PLCB1: variants seen among roughly 807,000 people sequenced by gnomAD.
PLCB1 encodes the protein phospholipase C beta 1.
A neutral mutation model predicts 161.8 loss-of-function variants in PLCB1; 46 were observed. The ratio of observed to expected loss-of-function variants is 0.28; its 90% confidence interval spans 0.22 to 0.36. The LOEUF (loss-of-function observed/expected upper bound fraction) is 0.36. Among genes scored for constraint, PLCB1 ranks in the 10% least tolerant of loss-of-function variants. The pLI, the probability that PLCB1 is intolerant of heterozygous loss-of-function variation, is 1.00. For synonymous variants in PLCB1, 517 were observed against 503.7 expected, an observed-to-expected ratio of 1.03 and a Z score of -0.35; for missense variants, 1,016 against 1,472.5, an observed-to-expected ratio of 0.69 and a Z score of 5.07.
At chr20:8,489,122 TG>T (rs368408494) in intron 3 of PLCB1, among the ~76,000 whole-genome samples, 211 of 152,298 alleles carry the variant, frequency 1.4e-3, no homozygotes, top group African/African-American at 5.0e-3. Context: ...TGCTAGGAGC[TG>T]GGAACCCAGA....
chr20:8,717,906 C>T, intron 14 of PLCB1, 58 bp downstream of exon 14: 1 of 1,512,686 alleles, frequency 6.6e-7, no homozygotes, highest in Non-Finnish European at 8.9e-7. Context: ...AATTGCTGCT[C>T]TGGGCTGTGC....
chr20:8,578,720 A>G (rs571827687), intron 3 of PLCB1, among the ~76,000 whole-genome samples: 3 of 152,338 alleles, frequency 2.0e-5, no homozygotes, highest in East Asian at 3.9e-4. Flanking sequence ...ATTCGGGGTC[A>G]TTACAAAAGA....
At chr20:8,786,312 C>G (rs1180394876) in intron 27 of PLCB1, among the ~76,000 whole-genome samples, 1 of 152,164 alleles carries the variant, frequency 6.6e-6, no homozygotes, top group Non-Finnish European at 1.5e-5. Context: ...TGATAAATGG[C>G]ATGACTACAA....
chr20:8,629,988 TTCTTTCTTTCTTTC>T (rs1428909676), intron 4 of PLCB1, among the ~76,000 whole-genome samples: 1 of 124,248 alleles, frequency 8.0e-6, no homozygotes, highest in Non-Finnish European at 1.7e-5. Context: ...CTTTCTTTCT[TTCTTTCTTTCTTTC>T]TTTCTTTCTC....
At chr20:8,211,679 C>T (rs1306839340) in intron 2 of PLCB1, among the ~76,000 whole-genome samples, 1 of 151,952 alleles carries the variant, frequency 6.6e-6, no homozygotes, top group African/African-American at 2.4e-5. Flanking sequence ...TGCCGAGATT[C>T]CTTAAATTTT....
chr20:8,225,158 C>A (rs969202434), intron 2 of PLCB1, among the ~76,000 whole-genome samples: 4 of 152,162 alleles, frequency 2.6e-5, no homozygotes, highest in African/African-American at 9.7e-5. Context: ...AGTATCTCAG[C>A]AAGAAAAGGA....
intron 2 of PLCB1, among the ~76,000 whole-genome samples, chr20:8,316,418 G>A (rs1276373037): frequency 6.6e-6 from 1 of 152,098 alleles, no homozygotes; most frequent in Non-Finnish European, 1.5e-5. Context: ...GATCTTGCCT[G>A]TAATGACTCC....
chr20:8,703,900 A>G (rs1223231282), intron 11 of PLCB1, among the ~76,000 whole-genome samples: 1 of 152,134 alleles, frequency 6.6e-6, no homozygotes, highest in Non-Finnish European at 1.5e-5. Flanking sequence ...CTAAATACCC[A>G]CTTCCTAAAT....
chr20:8,134,845 C>T (rs1304392336), intron 1 of PLCB1, among the ~76,000 whole-genome samples: 3 of 150,968 alleles, frequency 2.0e-5, no homozygotes, highest in Admixed American at 1.3e-4. Flanking sequence ...AAGGAGAAGA[C>T]CAGAAGAATT....
chr20:8,662,692 A>T lies in PLCB1; in HGVS notation c.862+3988A>T, dbSNP rs1009987684. Among the ~76,000 whole-genome samples, 9 of 151,212 alleles carry T rather than the reference A, an allele frequency of 6.0e-5. No individual in the cohort carries two copies. The East Asian group carries it at 1.7e-3, about 29-fold the overall frequency. ...CACCTGAGCCGTTGTTAAAATGCAG[A>T]TTCGAGATCCTGCATTTCTAACAAG... On this transcript the variant is annotated intron_variant, in intron 9 of 31. Transcript: ENST00000338037.
chr20:8,150,408 T>C, intron 2 of PLCB1, 37 bp downstream of exon 2: 3 of 927,362 alleles, frequency 3.2e-6, no homozygotes, highest in Non-Finnish European at 5.1e-6. Flanking sequence ...CATTTTTCAG[T>C]CGTTTACTAC....
At chr20:8,391,811 A>G (rs914742452) in intron 3 of PLCB1, among the ~76,000 whole-genome samples, 27 of 142,810 alleles carry the variant, frequency 1.9e-4, no homozygotes, top group Non-Finnish European at 2.8e-4. Context: ...ATATATATAT[A>G]TATATATATA....
chr20:8,673,177 G>A (rs928693511), intron 9 of PLCB1, among the ~76,000 whole-genome samples: 1 of 151,902 alleles, frequency 6.6e-6, no homozygotes, highest in African/African-American at 2.4e-5. Context: ...TGAACTCAGT[G>A]GAAAGTGAGA....
At position 8,205,369 on chromosome 20, in the gene PLCB1, G is replaced by A. The variant is rs189265923; in HGVS notation, c.177+54998G>A. ...AAACCTGAAATTCTTCAAGCTTCTC[G>A]ATCCAGCTACTGATTTATTGAAAAC... On this transcript the variant is annotated intron_variant, in intron 2 of 31. Coordinates refer to ENST00000338037, the MANE Select transcript of PLCB1 (RefSeq NM_015192.4). 7.5e-4 allele frequency among the ~76,000 whole-genome samples: 114 copies of A among 152,190 alleles called. 1 individual carries two copies. The highest frequency in any genetic ancestry group is 3.4e-3 in the Middle Eastern group (1 of 294).
At chr20:8,496,256 GC>G (rs1983164362) in intron 3 of PLCB1, among the ~76,000 whole-genome samples, 1 of 151,680 alleles carries the variant, frequency 6.6e-6, no homozygotes, top group African/African-American at 2.4e-5. Context: ...ACTTCGGGAG[GC>G]CGAGGTGGGT....
intron 31 of PLCB1, among the ~76,000 whole-genome samples, chr20:8,868,298 G>T (rs1480244887): frequency 6.6e-6 from 1 of 152,192 alleles, no homozygotes; most frequent in Non-Finnish European, 1.5e-5. Flanking sequence ...TTAGAAATGT[G>T]CTGGGCTAAT....
At chr20:8,674,320 T>A (rs1568555776) in intron 9 of PLCB1, among the ~76,000 whole-genome samples, 1 of 152,188 alleles carries the variant, frequency 6.6e-6, no homozygotes, top group Admixed American at 6.5e-5. Flanking sequence ...GTGGTAATAT[T>A]TGAGGAGACT....
At chr20:8,371,298 A>AT (rs953745005) in intron 2 of PLCB1, 84 bp from the exon 3 acceptor site, 4 of 854,608 alleles carry the variant, frequency 4.7e-6, no homozygotes, top group Admixed American at 2.3e-5. Context: ...TCTCAAGATA[A>AT]TTTTTTTAAG....
At chr20:8,406,561 T>C (rs1978795711) in intron 3 of PLCB1, among the ~76,000 whole-genome samples, 1 of 152,170 alleles carries the variant, frequency 6.6e-6, no homozygotes, top group Admixed American at 6.5e-5. Flanking sequence ...CAGAACTTAT[T>C]TAGTTTTGTG....
Sources: allele counts gnomAD v4.1 joint callset (sites outside exome capture counted in the v4.1 genomes callset), GRCh38; gene constraint gnomAD v4.1.1; transcripts MANE v1.5; gene names NCBI Gene and HGNC (gene_info 2026-07-23, HGNC 2026-07-21).